KATNIP: variants seen among roughly 807,000 people sequenced by gnomAD.
The protein encoded by KATNIP is katanin-interacting protein.
KATNIP carries 126 observed loss-of-function variants against 174.0 expected under a neutral mutation model. The ratio of observed to expected loss-of-function variants is 0.72; its 90% CI spans 0.63 to 0.84. The LOEUF is 0.84. Among genes scored for constraint, KATNIP ranks in the 40% least tolerant of loss-of-function variants. The probability of loss-of-function intolerance (pLI) is 0.00; values close to 1 mark genes in which losing one functional copy is unlikely to be tolerated. For missense variants in KATNIP, 1,958 were observed against 2,109.7 expected (o/e 0.93, Z 1.41); for synonymous variants, 810 against 835.7 (o/e 0.97, Z 0.53).
rs141633244 is a variant in KATNIP at position 27,678,715 on chromosome 16, G to A, written c.808+719G>A. ...CTGATGGGCCAGGTCCAGCCAATAG[G>A]ACTAAGGGGTGTGGTTATCACCACC... is the stretch of plus-strand genomic sequence containing the variant. On this transcript the variant is annotated intron_variant, in intron 7 of 27. Transcript: ENST00000261588. Among the ~76,000 whole-genome samples, 1,031 of 152,314 alleles carry A rather than the reference G, an allele frequency of 6.8e-3. 7 individuals carry two copies. The highest frequency in any genetic ancestry group is 0.024 in the South Asian group (114 of 4,826).
At chr16:27,775,197 A>G in intron 24 of KATNIP, 113 bp downstream of exon 24, 1 of 1,305,818 alleles carries the variant, frequency 7.7e-7, no homozygotes. Flanking sequence ...ATCTCAAGCC[A>G]AGATGCTTGG....
chr16:27,690,354 A>ATAGG (rs2078678311), intron 8 of KATNIP, among the ~76,000 whole-genome samples: 1 of 111,042 alleles, frequency 9.0e-6, no homozygotes, highest in Non-Finnish European at 2.0e-5. Context: ...AGATAGATAG[A>ATAGG]TAGATAGATG....
chr16:27,701,782 C>G, intron 11 of KATNIP, 87 bp downstream of exon 11: 1 of 936,534 alleles, frequency 1.1e-6, no homozygotes, highest in Non-Finnish European at 1.7e-6. Context: ...GCTTTTCCTA[C>G]GTTTTTTTCA....
Position 27,744,372 on chromosome 16 carries a change from A to T in KATNIP, c.2623+3452A>T, listed in dbSNP as rs187920117. Among the ~76,000 whole-genome samples, 383 of 152,102 alleles carry T rather than the reference A, an allele frequency of 2.5e-3. 3 individuals carry two copies. The highest frequency in any genetic ancestry group is 8.8e-3 in the African/African-American group (364 of 41,490). On this transcript the variant is annotated intron_variant, in intron 15 of 27. Coordinates refer to ENST00000261588, the MANE Select transcript of KATNIP (RefSeq NM_015202.5). ...AAGACTCCATCTCTACAAAAGTTTT[A>T]AAAAAAATAGCTGGGTGTGGTTGTG...
intron 6 of KATNIP, among the ~76,000 whole-genome samples, chr16:27,650,974 G>A (rs2077103276): frequency 6.6e-6 from 1 of 152,156 alleles, no homozygotes; most frequent in Non-Finnish European, 1.5e-5. Context: ...GTGCAAAACA[G>A]CCATCAATTT....
At chr16:27,757,375 T>C (rs1447963736) in intron 18 of KATNIP, 1 of 385,532 alleles carries the variant, frequency 2.6e-6, no homozygotes, top group Admixed American at 6.4e-5. Flanking sequence ...CCAAACAGTG[T>C]GGACCGAGCA....
Position 27,576,972 on chromosome 16 carries a change from G to A in KATNIP, c.63+3016G>A, listed in dbSNP as rs547140394. Among the ~76,000 whole-genome samples the A allele has an allele frequency of 2.4e-4, 36 of 152,292 alleles. 1 individual carries two copies. Among genetic ancestry groups the A allele is most frequent in the African/African-American group, 6.5e-4 (27 of 41,564 alleles). On this transcript the variant is annotated intron_variant, in intron 2 of 27. Transcript: ENST00000261588. The stretch of plus-strand genomic sequence containing the variant: ...AGTGCACTCCCTGGAGAGTGAACAC[G>A]TAGTTTCCAGCCTGGGTTGGGATCG...
intron 8 of KATNIP, among the ~76,000 whole-genome samples, chr16:27,692,189 C>A (rs1321793460): frequency 6.6e-6 from 1 of 152,206 alleles, no homozygotes; most frequent in African/African-American, 2.4e-5. Flanking sequence ...CTGGTGTTTG[C>A]ACCCCACGTG....
At position 27,777,810 on chromosome 16, in the gene KATNIP, T is replaced by C; in HGVS notation, c.4712+40T>C. The C allele has an allele frequency of 6.2e-7, 1 of 1,613,362 alleles. No individual in the cohort carries two copies. The highest frequency in any genetic ancestry group is 8.5e-7 in the Non-Finnish European group (1 of 1,179,454). ...GGCCCCATGGCCTCCCCACCAGCCC[T>C]AAGGAGGATGGATGGCTGGGACACA... is the stretch of plus-strand genomic sequence containing the variant. On this transcript the variant is annotated intron_variant, in intron 26 of 27. Transcript: ENST00000261588. This position sits in a 1 kb window ranked among gnomAD's most constrained non-coding sequence, Gnocchi z 4.4.
intron 1 of KATNIP, among the ~76,000 whole-genome samples, chr16:27,554,789 CTTT>C (rs563621813): frequency 1.2e-4 from 9 of 77,830 alleles, no homozygotes; most frequent in Middle Eastern, 7.8e-3. Flanking sequence ...TTGATTTACA[CTTT>C]TTTTTTTTTT....
At chr16:27,681,285 G>A in intron 7 of KATNIP, 114 bp from the exon 8 acceptor site, 7 of 1,366,386 alleles carry the variant, frequency 5.1e-6, no homozygotes, top group Non-Finnish European at 6.2e-6. Context: ...GCACAAAGTA[G>A]TTCCGTAGAC....
intron 2 of KATNIP, among the ~76,000 whole-genome samples, chr16:27,612,943 CA>C (rs1009160921): frequency 6.6e-6 from 1 of 150,816 alleles, no homozygotes; most frequent in East Asian, 1.9e-4. Flanking sequence ...GACCCTGTCT[CA>C]AAAAAAATAA....
intron 15 of KATNIP, among the ~76,000 whole-genome samples, chr16:27,744,249 G>A (rs954665493): frequency 7.9e-5 from 12 of 152,114 alleles, no homozygotes; most frequent in Non-Finnish European, 1.6e-4. Flanking sequence ...CTGGGTAGTG[G>A]GTGCACTGTC....
intron 8 of KATNIP, among the ~76,000 whole-genome samples, chr16:27,697,188 G>A (rs1481083615): frequency 6.6e-6 from 1 of 152,174 alleles, no homozygotes; most frequent in Non-Finnish European, 1.5e-5. Context: ...AGATTGCTGG[G>A]TCAAATGGTA....
intron 6 of KATNIP, among the ~76,000 whole-genome samples, chr16:27,653,145 A>C (rs2077168364): frequency 2.0e-5 from 3 of 152,212 alleles, no homozygotes; most frequent in Admixed American, 6.5e-5. Flanking sequence ...CCAAGAAGAG[A>C]TCATTGATCC....
chr16:27,608,226 C>CTTTTTTTTTT (rs35752811), intron 2 of KATNIP, among the ~76,000 whole-genome samples: 1 of 109,858 alleles, frequency 9.1e-6, no homozygotes, highest in African/African-American at 3.5e-5. Context: ...TGGTAAAATT[C>CTTTTTTTTTT]TTTTTTTTTT....
rs2077027943 is a variant in KATNIP, at chr16:27,648,518, T to C, written c.409-86T>C. The C allele has an allele frequency of 2.0e-6, 3 of 1,526,286 alleles. No individual in the cohort carries two copies. The Admixed American group carries it at 5.3e-5, about 27-fold the overall frequency. The allele number at this position is 1,526,286 out of a possible 1,614,324, so 94.5% of individuals were successfully genotyped here. On this transcript the variant is annotated intron_variant, in intron 5 of 27. Coordinates refer to ENST00000261588, the MANE Select transcript of KATNIP (RefSeq NM_015202.5). ...GGTATCTATGCCCATAGATCCTGGC[T>C]GAACCTCTCCAGTGCCAGTCCCTGC... is the stretch of plus-strand genomic sequence containing the variant.
At chr16:27,554,616 C>G (rs2089531616) in intron 1 of KATNIP, among the ~76,000 whole-genome samples, 1 of 152,160 alleles carries the variant, frequency 6.6e-6, no homozygotes, top group Non-Finnish European at 1.5e-5. Flanking sequence ...TTCTAATGAG[C>G]ATCTCTGTAC....
At position 27,608,925 on chromosome 16, in the gene KATNIP, G is replaced by A. The variant is rs114666400; in HGVS notation, c.64-9500G>A. Among the ~76,000 whole-genome samples the A allele has an allele frequency of 4.5e-3, 690 of 152,218 alleles. 9 individuals are homozygous for A. The highest frequency in any genetic ancestry group is 0.015 in the African/African-American group (637 of 41,534). Reference sequence around the variant, plus strand: ...AGCGCCACATCCTAACCGAGGGATCGTTTATGGGTGACAAGCCAATGCTTC... The same window carrying A: ...AGCGCCACATCCTAACCGAGGGATCATTTATGGGTGACAAGCCAATGCTTC... On this transcript the variant is annotated intron_variant, in intron 2 of 27. Coordinates refer to ENST00000261588, the MANE Select transcript of KATNIP (RefSeq NM_015202.5).
Sources: allele counts gnomAD v4.1 joint callset (sites outside exome capture counted in the v4.1 genomes callset), GRCh38; gene constraint gnomAD v4.1.1; non-coding constraint Gnocchi (gnomAD v3.1); transcripts MANE v1.5; gene names NCBI Gene and HGNC (gene_info 2026-07-23, HGNC 2026-07-21).